The following KRT7 variants were observed in gnomAD, a reference collection of about 807,000 sequenced individuals.
KRT7 encodes the protein keratin, type II cytoskeletal 7.
A neutral mutation model predicts 42.8 loss-of-function variants in KRT7; 50 were observed. The observed-to-expected ratio is 1.17, with a 90% CI of 0.93 to 1.48. The LOEUF is 1.48. Among genes scored for constraint, KRT7 ranks in the 40% most tolerant of loss-of-function variants. The pLI is 0.00. For missense variants in KRT7, 588 were observed against 637.6 expected, an observed-to-expected ratio of 0.92 and a Z score of 0.84; for synonymous variants, 268 against 266.3, an observed-to-expected ratio of 1.01 and a Z score of -0.06.
At position 52,243,094 on chromosome 12, in the gene KRT7, C is replaced by A; in HGVS notation, c.941C>A (p.Ala314Asp). 6.2e-7 allele frequency: 1 copy of A among 1,613,766 alleles called. No individual in the cohort carries two copies. Among genetic ancestry groups the A allele is most frequent in the Non-Finnish European group, 8.5e-7 (1 of 1,179,820 alleles). ...AATGAGATTTCAGAGATGAACCGGG[C>A]CATCCAGAGGCTGCAGGCTGAGATC... ...TRNEISEMNR[A>D]IQRLQAEIDN... Residue 314 changes from alanine (A) to aspartate (D), a missense_variant, in exon 6 of 9, where the codon GCC becomes GAC. Transcript: ENST00000331817.
At chr12:52,252,009 A>G, downstream of KRT7, 2 of 678,494 alleles carry the variant, frequency 2.9e-6, no homozygotes, top group East Asian at 2.9e-5. Context: ...TTCAGGACCC[A>G]CAAAATGGAT....
chr12:52,250,629 G>A, downstream of KRT7: 2 of 823,680 alleles, frequency 2.4e-6, no homozygotes, highest in South Asian at 1.4e-5. Flanking sequence ...CCCGCCGCGA[G>A]AGCTGCTGAC....
chr12:52,236,222 C>T (rs539743304), intron 2 of KRT7, among the ~76,000 whole-genome samples: 2 of 151,474 alleles, frequency 1.3e-5, no homozygotes, highest in African/African-American at 4.9e-5. Flanking sequence ...TCCCACTTCC[C>T]TAGGGCAAAA....
At chr12:52,245,726 C>T (rs1459874090) in intron 7 of KRT7, 94 bp downstream of exon 7, 4 of 1,502,286 alleles carry the variant, frequency 2.7e-6, no homozygotes, top group East Asian at 4.5e-5. Context: ...CCTGTATGCC[C>T]CTCCTCTGCA....
intron 2 of KRT7, among the ~76,000 whole-genome samples, chr12:52,235,679 T>C (rs1272237085): frequency 6.6e-6 from 1 of 152,208 alleles, no homozygotes; most frequent in African/African-American, 2.4e-5. Flanking sequence ...GGGCAGAAAG[T>C]GTCTTCTGAC....
Position 52,233,314 on chromosome 12 carries a change from C to A in KRT7, c.18C>A (p.Ser6Arg). MSIHF[S>R]SPVFTSRSAA... ...CAGCCACCATGTCCATCCACTTCAG[C>A]TCCCCGGTATTCACCTCGCGCTCAG... Residue 6 changes from serine to arginine, a missense_variant, in exon 1 of 9, where the codon AGC (serine) becomes AGA (arginine). Transcript: ENST00000331817. 6.4e-7 allele frequency: 1 copy of A among 1,566,582 alleles called. No individual in the cohort carries two copies. The highest frequency in any genetic ancestry group is 1.2e-5 in the South Asian group (1 of 85,500).
At chr12:52,236,820 C>G (rs1942018322) in intron 2 of KRT7, among the ~76,000 whole-genome samples, 3 of 152,314 alleles carry the variant, frequency 2.0e-5, no homozygotes, top group Middle Eastern at 3.4e-3. Flanking sequence ...CCAGGTCCTC[C>G]TAAGGGCCAG....
intron 4 of KRT7, among the ~76,000 whole-genome samples, chr12:52,239,101 T>C (rs996954410): frequency 6.6e-6 from 1 of 152,168 alleles, no homozygotes; most frequent in African/African-American, 2.4e-5. Context: ...ACGTTGTCTA[T>C]TGGTTGTTGG....
intron 1 of KRT7, among the ~76,000 whole-genome samples, chr12:52,234,766 G>A (rs1342660815): frequency 1.3e-5 from 2 of 152,210 alleles, no homozygotes; most frequent in Non-Finnish European, 2.9e-5. Context: ...AAAGGATATT[G>A]AGGAAGGAAG....
chr12:52,253,875 GC>G, downstream of KRT7: 1 of 427,658 alleles, frequency 2.3e-6, no homozygotes, highest in South Asian at 1.8e-5. Flanking sequence ...GATGTCTGAA[GC>G]CCCACCCTCC....
At chr12:52,251,930 C>G, downstream of KRT7, 1 of 512,498 alleles carries the variant, frequency 2.0e-6, no homozygotes, top group South Asian at 1.6e-5. Context: ...ACATGGCCCA[C>G]GAGCCTAAAG....
chr12:52,253,233 C>T (rs745685948), downstream of KRT7: 14 of 1,609,626 alleles, frequency 8.7e-6, no homozygotes, highest in Non-Finnish European at 1.2e-5. Flanking sequence ...GCGTTCTCCA[C>T]CTCGGCTGTC....
chr12:52,233,342 G>T lies in KRT7; in HGVS notation c.46G>T (p.Ala16Ser). The T allele has an allele frequency of 6.4e-7, 1 of 1,570,370 alleles. No individual in the cohort carries two copies. Among genetic ancestry groups the T allele is most frequent in the Non-Finnish European group, 8.6e-7 (1 of 1,163,734 alleles). ...SSPVFTSRSAAFSGRGAQVRL... is the reference protein window; with the variant it reads ...SSPVFTSRSASFSGRGAQVRL... ...CCCGGTATTCACCTCGCGCTCAGCC[G>T]CCTTCTCGGGCCGCGGCGCCCAGGT... is the stretch of plus-strand genomic sequence containing the variant. Residue 16 changes from alanine to serine, a missense_variant, in exon 1 of 9, where the codon GCC becomes TCC. Transcript: ENST00000331817.
Position 52,248,671 on chromosome 12 carries a change from C to T in KRT7, c.1321C>T (p.Leu441=). 2 of 1,613,414 alleles carry T rather than the reference C, an allele frequency of 1.2e-6. No individual in the cohort carries two copies. The highest frequency in any genetic ancestry group is 8.5e-7 in the Non-Finnish European group (1 of 1,179,634). ...TLGGTMGSNA[L]SFSSSAGPGL... ...CGGGGGAACCATGGGCAGCAATGCC[C>T]TGAGCTTCTCCAGCAGTGCGGGTCC... Residue 441 remains leucine (L), a synonymous_variant, in exon 9 of 9, where the codon CTG becomes TTG. Transcript: ENST00000331817.
downstream of KRT7, chr12:52,250,606 C>A: frequency 1.7e-6 from 2 of 1,153,802 alleles, no homozygotes; most frequent in Non-Finnish European, 2.5e-6. Context: ...ACGCACAGGT[C>A]CCCGCATAAG....
intron 4 of KRT7, among the ~76,000 whole-genome samples, chr12:52,240,162 T>TACACAC (rs10604083): frequency 6.6e-6 from 1 of 150,426 alleles, no homozygotes. Context: ...CACACATGTG[T>TACACAC]ACACACACAC....
At chr12:52,250,305 G>A (rs1207113276), downstream of KRT7, among the ~76,000 whole-genome samples, 2 of 152,236 alleles carry the variant, frequency 1.3e-5, no homozygotes, top group East Asian at 3.9e-4. Context: ...GAAGGGACTA[G>A]CGGGCGGGGA....
At chr12:52,247,176 C>G (rs1592396466) in intron 7 of KRT7, 2 of 151,846 alleles carry the variant, frequency 1.3e-5, no homozygotes, top group East Asian at 3.9e-4. Flanking sequence ...ACCCCACTTA[C>G]TTAGAATGAG....
Position 52,233,632 on chromosome 12 carries a change from T to G in KRT7, c.324+12T>G. ...CCTTCATCGACAAGGTGAGCGGGACTGGACCTCGCCTCTCCTCGAGCCGCG... is the reference window on the plus strand; with the variant it reads ...CCTTCATCGACAAGGTGAGCGGGACGGGACCTCGCCTCTCCTCGAGCCGCG... On this transcript the variant is annotated intron_variant, in intron 1 of 8. Coordinates refer to ENST00000331817, the MANE Select transcript of KRT7 (RefSeq NM_005556.4). The G allele has an allele frequency of 6.2e-7, 1 of 1,611,634 alleles. No individual in the cohort carries two copies. The highest frequency in any genetic ancestry group is 8.5e-7 in the Non-Finnish European group (1 of 1,179,188).
Sources: allele counts gnomAD v4.1 joint callset (sites outside exome capture counted in the v4.1 genomes callset), GRCh38; gene constraint gnomAD v4.1.1; transcripts MANE v1.5; gene names NCBI Gene and HGNC (gene_info 2026-07-23, HGNC 2026-07-21).